The following GRIK4 variants were observed in gnomAD, a reference collection of about 807,000 sequenced individuals.
The protein encoded by GRIK4 is glutamate ionotropic receptor kainate type subunit 4.
In GRIK4, 40 loss-of-function variants were observed where a neutral mutation model predicts 104.9. The ratio of observed to expected loss-of-function variants is 0.38; its 90% CI spans 0.30 to 0.50. The LOEUF is 0.50. Ranked by LOEUF, GRIK4 falls within the 20% of genes least tolerant of loss-of-function variation. The pLI is 0.93. For missense variants in GRIK4, 1,047 were observed against 1,308.1 expected, an observed-to-expected ratio of 0.80 and a Z score of 3.08; for synonymous variants, 485 against 524.9, an observed-to-expected ratio of 0.92 and a Z score of 1.04.
chr11:120,943,219 G>C (rs758841727), intron 14 of GRIK4, among the ~76,000 whole-genome samples: 1 of 151,324 alleles, frequency 6.6e-6, no homozygotes, highest in Non-Finnish European at 1.5e-5. Flanking sequence ...AGGATGCCAC[G>C]TGGCTGCCTA....
chr11:120,876,290 TCACCAC>T (rs1181981982), intron 11 of GRIK4, among the ~76,000 whole-genome samples: 6 of 84,896 alleles, frequency 7.1e-5, no homozygotes, highest in South Asian at 4.1e-4. Flanking sequence ...ACCACCATCA[TCACCAC>T]CACCACAACC....
At chr11:120,733,945 C>A (rs1348147067) in intron 3 of GRIK4, among the ~76,000 whole-genome samples, 1 of 152,060 alleles carries the variant, frequency 6.6e-6, no homozygotes, top group Non-Finnish European at 1.5e-5. Flanking sequence ...ATCATGTTGG[C>A]CAGACTGGTC....
intron 13 of GRIK4, among the ~76,000 whole-genome samples, chr11:120,924,680 A>G (rs1465952590): frequency 1.3e-5 from 2 of 152,014 alleles, no homozygotes; most frequent in Admixed American, 6.5e-5. Context: ...CATTCTCCTC[A>G]TCTCTAAATA....
At chr11:120,784,553 A>T (rs1591909501) in intron 3 of GRIK4, among the ~76,000 whole-genome samples, 1 of 152,218 alleles carries the variant, frequency 6.6e-6, no homozygotes, top group East Asian at 1.9e-4. Flanking sequence ...CATGATGCTC[A>T]TTTATTCACA....
rs1002646674 is a variant in GRIK4 at position 120,711,000 on chromosome 11, G to GGC, written c.82+50601_82+50602insCG. On this transcript the variant is annotated intron_variant, in intron 3 of 20. Transcript: ENST00000527524. ...AGCCTCGCTTGCCCCTGTGAGGTGG[G>GGC]GAGGGGGTGTGAGCAGCTGCAGGGC... Among the ~76,000 whole-genome samples, 3 of 149,980 alleles carry GGC rather than the reference G, an allele frequency of 2.0e-5. 1 individual carries two copies. The highest frequency in any genetic ancestry group is 7.5e-5 in the African/African-American group (3 of 39,880).
At chr11:120,532,483 A>G (rs1947933646) in intron 1 of GRIK4, among the ~76,000 whole-genome samples, 1 of 152,012 alleles carries the variant, frequency 6.6e-6, no homozygotes, top group South Asian at 2.1e-4. Context: ...TAATATTGTA[A>G]CTGTTAATTG....
intron 11 of GRIK4, among the ~76,000 whole-genome samples, chr11:120,893,792 T>A (rs940390103): frequency 2.6e-5 from 4 of 152,216 alleles, no homozygotes; most frequent in African/African-American, 7.2e-5. Context: ...AGGGTCTTTT[T>A]TTTTCCCCCC....
intron 18 of GRIK4, among the ~76,000 whole-genome samples, chr11:120,966,949 G>A (rs1211734629): frequency 6.6e-6 from 1 of 152,202 alleles, no homozygotes; most frequent in African/African-American, 2.4e-5. Context: ...CAGTCAGCAT[G>A]GAGAGAAGGG....
Position 120,962,687 on chromosome 11 carries a change from C to A in GRIK4, c.2266+6C>A. ...TGGGATTGGCATGCCAGTCGGTATG[C>A]GGGAGAGGAACAGCCTCTTTGGGTA... is the stretch of plus-strand genomic sequence containing the variant. On this transcript the variant is annotated splice_donor_region_variant and intron_variant, in intron 18 of 20. Coordinates refer to ENST00000527524, the MANE Select transcript of GRIK4 (RefSeq NM_014619.5). 1 of 1,597,568 alleles carries A rather than the reference C, an allele frequency of 6.3e-7. No homozygotes were observed. Among genetic ancestry groups the A allele is most frequent in the Non-Finnish European group, 8.6e-7 (1 of 1,165,218 alleles).
chr11:120,761,575 G>A (rs1299062575), intron 3 of GRIK4, among the ~76,000 whole-genome samples: 1 of 152,148 alleles, frequency 6.6e-6, no homozygotes, highest in Non-Finnish European at 1.5e-5. Flanking sequence ...AGTTTTTATG[G>A]TTTCAGGTCT....
At chr11:120,983,918 G>A (rs1485202414) in intron 20 of GRIK4, among the ~76,000 whole-genome samples, 2 of 152,128 alleles carry the variant, frequency 1.3e-5, no homozygotes, top group Admixed American at 1.3e-4. Flanking sequence ...TAGGCAGGTG[G>A]TACTGTTTTT....
chr11:120,872,746 G>A (rs1383534624), intron 9 of GRIK4: 2 of 188,956 alleles, frequency 1.1e-5, no homozygotes, highest in African/African-American at 4.7e-5. Flanking sequence ...CACTTGCTAG[G>A]GTTTTGTTTG....
chr11:120,616,233 G>C (rs999366273), intron 1 of GRIK4, among the ~76,000 whole-genome samples: 4 of 152,302 alleles, frequency 2.6e-5, no homozygotes, highest in Admixed American at 6.5e-5. Context: ...TTGAGCCACG[G>C]AGTCTGGGCC....
At chr11:120,519,880 G>T (rs2510874) in intron 1 of GRIK4, among the ~76,000 whole-genome samples, 31,953 of 119,782 alleles carry the variant, frequency 0.27, 4,225 homozygotes, top group African/African-American at 0.4. Context: ...TTTTTTTTTT[G>T]TTTTTTTTTT....
At chr11:120,662,989 AC>A (rs1949844918) in intron 3 of GRIK4, among the ~76,000 whole-genome samples, 1 of 152,080 alleles carries the variant, frequency 6.6e-6, no homozygotes. Flanking sequence ...TTTGGTGTTT[AC>A]CCCTCGAATG....
rs781270184 is a variant in GRIK4 at position 120,902,632 on chromosome 11, G to A, written c.1273-2658G>A. Among the ~76,000 whole-genome samples, 3 of 152,168 alleles carry A rather than the reference G, an allele frequency of 2.0e-5. No individual in the cohort carries two copies. ...AGCCAGGTAGGGGAACCAAGCAGGT[G>A]ACGAGTCTGTCCCAGGACCCACTCC... On this transcript the variant is annotated intron_variant, in intron 12 of 20. Transcript: ENST00000527524. The surrounding 1 kb of genome is among the most constrained non-coding windows in gnomAD (Gnocchi z 4.5).
chr11:120,810,444 G>T (rs576849797), intron 4 of GRIK4, among the ~76,000 whole-genome samples: 3 of 152,206 alleles, frequency 2.0e-5, no homozygotes, highest in Non-Finnish European at 1.5e-5. Flanking sequence ...GCCACAGTGT[G>T]CTGTGAATAT....
chr11:120,971,385 A>G (rs1197918533), intron 19 of GRIK4, among the ~76,000 whole-genome samples: 1 of 152,244 alleles, frequency 6.6e-6, no homozygotes, highest in East Asian at 1.9e-4. Flanking sequence ...GAACAAGTGA[A>G]TGAGCAAGCA....
chr11:120,643,188 A>G (rs1163241187), intron 1 of GRIK4, among the ~76,000 whole-genome samples: 1 of 152,232 alleles, frequency 6.6e-6, no homozygotes, highest in Non-Finnish European at 1.5e-5. Flanking sequence ...AAGAAATATA[A>G]TAAGTAAATT....
Sources: gnomAD v4.1 joint callset for allele counts (sites outside exome capture counted in the v4.1 genomes callset) on GRCh38, gnomAD v4.1.1 for gene constraint, Gnocchi (gnomAD v3.1) non-coding constraint, MANE v1.5 for transcripts, NCBI Gene and HGNC (gene_info 2026-07-23, HGNC 2026-07-21) for gene names.